Variants in NADK2 observed in about 807,000 individuals in gnomAD.
NADK2 encodes NAD kinase 2, mitochondrial, also known as NAD kinase domain-containing protein 1, mitochondrial.
NADK2 carries 35 observed loss-of-function variants against 62.1 expected under a neutral mutation model. The ratio of observed to expected loss-of-function variants is 0.56; its 90% confidence interval spans 0.43 to 0.75. NADK2 has a LOEUF of 0.75. Ranked by LOEUF, NADK2 falls within the 30% of genes least tolerant of loss-of-function variation. The pLI is 0.00. For synonymous variants in NADK2, 205 were observed against 207.9 expected (o/e 0.99, Z 0.12); for missense variants, 439 against 561.3 (o/e 0.78, Z 2.20).
At position 36,195,200 on chromosome 5, in the gene NADK2, C is replaced by G; in HGVS notation, c.1273G>C (p.Ala425Pro). 1 of 1,613,570 alleles carries G rather than the reference C, an allele frequency of 6.2e-7. No individual in the cohort carries two copies. Among genetic ancestry groups the G allele is most frequent in the Middle Eastern group, 1.6e-4 (1 of 6,062 alleles). The change falls in exon 12 of 12, where the codon GCT (alanine) becomes CCT (proline). Residue 425 changes from alanine (A) to proline (P), a missense_variant. Ala to Pro is a conservative substitution (Grantham distance 27, BLOSUM62 -1). Coordinates refer to ENST00000381937, the MANE Select transcript of NADK2 (RefSeq NM_001085411.3). ...TCTTCTTTATTGATCATCATCGAAG[C>G]AATTGCACCATCATTAAACTCAAAA... ...TSFEFNDGAIASMMINKEDEL... is the reference protein window; with the variant it reads ...TSFEFNDGAIPSMMINKEDEL...
At chr5:36,227,438 A>C in intron 2 of NADK2, 39 bp downstream of exon 2, 1 of 1,045,680 alleles carries the variant, frequency 9.6e-7, no homozygotes, top group Non-Finnish European at 1.3e-6. Flanking sequence ...GAAGTCCTGA[A>C]TATAAAATCC....
intron 6 of NADK2, among the ~76,000 whole-genome samples, 188 bp from the exon 7 acceptor site, chr5:36,212,110 A>T (rs1486625515): frequency 6.6e-6 from 1 of 152,192 alleles, no homozygotes; most frequent in African/African-American, 2.4e-5. Context: ...AGGAACCTAA[A>T]CTTACACCTG....
chr5:36,222,427 C>T (rs1242162019), intron 4 of NADK2, among the ~76,000 whole-genome samples: 1 of 152,068 alleles, frequency 6.6e-6, no homozygotes, highest in Non-Finnish European at 1.5e-5. Flanking sequence ...TTAAGAACAG[C>T]CTTTTAGAAA....
chr5:36,227,169 C>A (rs1311928958), intron 2 of NADK2, among the ~76,000 whole-genome samples: 1 of 152,032 alleles, frequency 6.6e-6, no homozygotes, highest in East Asian at 1.9e-4. Context: ...TCATATAATC[C>A]ACTAGTCTGT....
At position 36,241,919 on chromosome 5, in the gene NADK2, T is replaced by G; in HGVS notation, c.-121A>C. ...AACTTCGCGCCGGACGGGCAGAGGT[T>G]AAGTGCCAGGACGTGCGTGGCCCAC... On this transcript the variant is annotated 5_prime_UTR_variant, in exon 1 of 12. Transcript: ENST00000381937. This position sits in a 1 kb window ranked among gnomAD's most constrained non-coding sequence, Gnocchi z 4.9. The G allele has an allele frequency of 1.2e-6, 1 of 853,162 alleles. No individual in the cohort carries two copies. The highest frequency in any genetic ancestry group is 1.5e-6 in the Non-Finnish European group (1 of 686,950). The allele number at this position is 853,162 out of a possible 1,614,324, so 52.8% of individuals were successfully genotyped here. A position where few individuals can be genotyped will look rare whatever the true frequency, so the allele number is the denominator to read the frequency against.
intron 4 of NADK2, among the ~76,000 whole-genome samples, chr5:36,220,626 A>C (rs12054662): frequency 6.6e-6 from 1 of 152,250 alleles, no homozygotes; most frequent in African/African-American, 2.4e-5. Context: ...TTTTATATTC[A>C]TTGTAATAGT....
In NADK2 at chr5:36,217,805, G is replaced by A. The variant is rs770052782; in HGVS notation, c.724C>T (p.Gln242Ter). ...CTATTGTGCTGATTCAAGCTTAGCT[G>A]CTGCTCGTGAAGGTCCACAGGTACA... ...NPVPVDLHEQ[Q>*]LSLNQHNRAL... Residue 242 changes from glutamine to a stop codon, truncating the protein, a stop_gained, in exon 6 of 12, where the codon CAG (glutamine) becomes TAG (stop). Transcript: ENST00000381937. LOFTEE classifies it high-confidence loss of function. 1.2e-6 allele frequency: 2 copies of A among 1,613,956 alleles called. No individual in the cohort carries two copies. Among genetic ancestry groups the A allele is most frequent in the African/African-American group, 1.3e-5 (1 of 75,008 alleles).
chr5:36,226,344 G>GT, intron 3 of NADK2, 131 bp downstream of exon 3: 2 of 621,658 alleles, frequency 3.2e-6, no homozygotes, highest in African/African-American at 1.8e-5. Context: ...AAACTTGATC[G>GT]TAACAATCCA....
intron 4 of NADK2, 76 bp downstream of exon 4, chr5:36,225,466 C>A: frequency 9.2e-7 from 1 of 1,081,652 alleles, no homozygotes. Context: ...AGCAGAAATG[C>A]ATGTATGTAT....
Position 36,192,734 on chromosome 5 carries a change from T to C in NADK2, c.*2410A>G, listed in dbSNP as rs1402475294. 1 of 152,222 alleles carries C rather than the reference T, an allele frequency of 6.6e-6. No individual in the cohort carries two copies. The highest frequency in any genetic ancestry group is 1.5e-5 in the Non-Finnish European group (1 of 68,034). The allele number at this position is 152,222 out of a possible 1,614,324, so 9.4% of individuals were successfully genotyped here. A position where few individuals can be genotyped will look rare whatever the true frequency, so the allele number is the denominator to read the frequency against. On this transcript the variant is annotated 3_prime_UTR_variant, in exon 12 of 12. Transcript: ENST00000381937. ...CCTGATTTAATAACTAATCATTCTA[T>C]GTCAAATGTTAACAGTGAATGAAGT...
chr5:36,197,535 G>A lies in NADK2; in HGVS notation c.1190+6C>T, dbSNP rs377615419. 35 of 1,612,070 alleles carry A rather than the reference G, an allele frequency of 2.2e-5. No homozygotes were observed. Among genetic ancestry groups the A allele is most frequent in the Non-Finnish European group, 3.0e-5 (35 of 1,178,748 alleles). On this transcript the variant is annotated splice_donor_region_variant and intron_variant, in intron 11 of 11. Transcript: ENST00000381937. ...AACAGTCAGAAGTCAGATTGAGGATGCTTACTTTGAGGAGAAACAACGCTG... is the reference window on the plus strand; with the variant it reads ...AACAGTCAGAAGTCAGATTGAGGATACTTACTTTGAGGAGAAACAACGCTG...
rs9637790 is a variant in NADK2 at position 36,216,524 on chromosome 5, G to C, written c.781+1224C>G. Among the ~76,000 whole-genome samples, 1,851 of 152,048 alleles carry C rather than the reference G, an allele frequency of 0.012. 157 individuals carry two copies. In the East Asian group the frequency reaches 0.21, roughly 17 times the overall value. On this transcript the variant is annotated intron_variant, in intron 6 of 11. Transcript: ENST00000381937. ...ACGTGCTGAATAATTTCCCCTGCCT[G>C]TTTTGAGAAATCATCATGTATAATC...
chr5:36,208,527 T>A (rs1418412926), intron 7 of NADK2: 4 of 831,370 alleles, frequency 4.8e-6, no homozygotes, highest in Non-Finnish European at 7.5e-6. Context: ...ATGAGCAAAT[T>A]TAGTGTCATT....
chr5:36,207,160 A>G lies in NADK2; in HGVS notation c.956+10T>C. ...ACAAAACTTGATAAGCAACATCCCA[A>G]GTTACTCACCAGGCCTTTGATCCTG... On this transcript the variant is annotated intron_variant, in intron 8 of 11. Coordinates refer to ENST00000381937, the MANE Select transcript of NADK2 (RefSeq NM_001085411.3). 6.2e-7 allele frequency: 1 copy of G among 1,605,948 alleles called. No individual in the cohort carries two copies. The highest frequency in any genetic ancestry group is 8.5e-7 in the Non-Finnish European group (1 of 1,173,530).
intron 1 of NADK2, among the ~76,000 whole-genome samples, chr5:36,240,214 G>T (rs1414893810): frequency 6.6e-6 from 1 of 152,088 alleles, no homozygotes; most frequent in Non-Finnish European, 1.5e-5. Flanking sequence ...TGATGCAAGT[G>T]TATTCTATAA....
intron 11 of NADK2, among the ~76,000 whole-genome samples, 190 bp from the exon 12 acceptor site, chr5:36,195,472 C>A (rs1026540641): frequency 2.0e-5 from 3 of 152,076 alleles, no homozygotes; most frequent in African/African-American, 7.2e-5. Context: ...AGGATGGCAC[C>A]ATTCGCTCAA....
chr5:36,225,649 G>T, intron 3 of NADK2, 26 bp from the exon 4 acceptor site: 1 of 1,588,244 alleles, frequency 6.3e-7, no homozygotes, highest in Non-Finnish European at 8.6e-7. Context: ...CAAAATACAA[G>T]ACATAACCAA....
At chr5:36,211,265 T>C (rs1466614669) in intron 7 of NADK2, among the ~76,000 whole-genome samples, 2 of 152,210 alleles carry the variant, frequency 1.3e-5, no homozygotes, top group Non-Finnish European at 2.9e-5. Flanking sequence ...ATTATAAAAG[T>C]ATTAATTTTG....
In NADK2 at chr5:36,227,561, G is replaced by A; in HGVS notation, c.305C>T (p.Ala102Val). Residue 102 changes from alanine (A) to valine (V), a missense_variant, in exon 2 of 12, where the codon GCA (alanine) becomes GTA (valine). Transcript: ENST00000381937. The part of the protein sequence containing the change: ...LSEEDLKQLL[A>V]LKGSSYSGLL... ...TCCACTGTAACTAGAGCCTTTCAAT[G>A]CAAGCTATATCAAAACAAAAGAAAC... The A allele has an allele frequency of 6.6e-7, 1 of 1,526,644 alleles. No homozygotes were observed. Among genetic ancestry groups the A allele is most frequent in the Non-Finnish European group, 8.8e-7 (1 of 1,135,056 alleles). The allele number at this position is 1,526,644 out of a possible 1,614,324, so 94.6% of individuals were successfully genotyped here.
Sources: gnomAD v4.1 joint callset for allele counts (sites outside exome capture counted in the v4.1 genomes callset) on GRCh38, gnomAD v4.1.1 for gene constraint, Gnocchi (gnomAD v3.1) non-coding constraint, MANE v1.5 for transcripts, NCBI Gene and HGNC (gene_info 2026-07-23, HGNC 2026-07-21) for gene names.